The following ADAM18 variants were observed in gnomAD, a reference collection of about 807,000 sequenced individuals.
The protein encoded by ADAM18 is ADAM metallopeptidase domain 18, also known as disintegrin and metalloproteinase domain-containing protein 18.
In ADAM18, 117 loss-of-function variants were observed where a neutral mutation model predicts 94.4. The observed-to-expected ratio is 1.24, with a 90% CI of 1.07 to 1.45. The LOEUF (loss-of-function observed/expected upper bound fraction) is 1.45. Among genes scored for constraint, ADAM18 ranks in the 40% most tolerant of loss-of-function variants. The pLI is 0.00. For missense variants in ADAM18, 936 were observed against 880.0 expected (o/e 1.06, Z -0.81); for synonymous variants, 327 against 291.6 (o/e 1.12, Z -1.24).
At chr8:39,664,933 TTGAA>T (rs139890451) in intron 13 of ADAM18, among the ~76,000 whole-genome samples, 35,559 of 151,878 alleles carry the variant, frequency 0.23, 4,274 homozygotes, top group South Asian at 0.3. Context: ...ATTTTTTTTG[TTGAA>T]TTTAGCTATT....
chr8:39,597,058 T>C (rs531627145), intron 2 of ADAM18, among the ~76,000 whole-genome samples: 16 of 152,290 alleles, frequency 1.1e-4, no homozygotes, highest in African/African-American at 3.8e-4. Context: ...GACATATGTC[T>C]TATTTGCTTG....
intron 17 of ADAM18, among the ~76,000 whole-genome samples, chr8:39,702,519 T>C (rs1361013828): frequency 2.0e-5 from 3 of 152,148 alleles, no homozygotes; most frequent in Non-Finnish European, 2.9e-5. Context: ...TTGCTTTTGT[T>C]TCAATTGCTT....
intron 17 of ADAM18, among the ~76,000 whole-genome samples, chr8:39,701,148 A>AAAAAAAAAAAAAAAAAAAAAC (rs1822066100): frequency 6.8e-6 from 1 of 147,240 alleles, no homozygotes; most frequent in African/African-American, 2.5e-5. Flanking sequence ...AAAAAAAAAA[A>AAAAAAAAAAAAAAAAAAAAAC]ATTTATTGTA....
At chr8:39,690,405 G>A (rs1821740033) in intron 16 of ADAM18, among the ~76,000 whole-genome samples, 1 of 152,142 alleles carries the variant, frequency 6.6e-6, no homozygotes, top group African/African-American at 2.4e-5. Flanking sequence ...GGGCACTTCA[G>A]CAGGTGTAGT....
intron 7 of ADAM18, 44 bp downstream of exon 7, chr8:39,629,483 G>A (rs747723104): frequency 1.5e-6 from 2 of 1,321,226 alleles, no homozygotes; most frequent in South Asian, 2.8e-5. Flanking sequence ...AACTAAGTAT[G>A]CTTTCAAGAA....
intron 13 of ADAM18, among the ~76,000 whole-genome samples, chr8:39,666,452 T>G (rs1563298017): frequency 6.6e-6 from 1 of 152,246 alleles, no homozygotes. Context: ...TTCATCACTT[T>G]TAAGTTACCA....
intron 2 of ADAM18, among the ~76,000 whole-genome samples, chr8:39,593,772 C>G (rs1291544846): frequency 1.3e-5 from 2 of 152,108 alleles, no homozygotes; most frequent in African/African-American, 4.8e-5. Context: ...TTATATAATG[C>G]CTTTCTCATT....
rs112437855 is a variant in ADAM18, at chr8:39,681,457, A to G, written c.1821+1231A>G. 4.0e-4 allele frequency among the ~76,000 whole-genome samples: 61 copies of G among 152,326 alleles called. 1 individual carries two copies. The highest frequency in any genetic ancestry group is 1.4e-3 in the African/African-American group (59 of 41,572). ...GAGAACCCAGATAAGATGTGCTTGA[A>G]TTTCAGACTCACAGAAGTTGTGATA... On this transcript the variant is annotated intron_variant, in intron 16 of 19. Coordinates refer to ENST00000265707, the MANE Select transcript of ADAM18 (RefSeq NM_014237.3).
intron 2 of ADAM18, among the ~76,000 whole-genome samples, chr8:39,602,853 AT>A (rs1818948210): frequency 6.6e-6 from 1 of 152,192 alleles, no homozygotes; most frequent in South Asian, 2.1e-4. Flanking sequence ...TGCTTTTGCT[AT>A]CATATCTAAA....
At chr8:39,705,256 G>T (rs781746573) in intron 17 of ADAM18, among the ~76,000 whole-genome samples, 11 of 151,958 alleles carry the variant, frequency 7.2e-5, no homozygotes, top group Non-Finnish European at 1.3e-4. Context: ...TTTTCTCTTT[G>T]AAAGCCAATT....
chr8:39,692,616 C>A lies in ADAM18; in HGVS notation c.1838C>A (p.Thr613Asn). ...CGPEMYCVNK[T>N]CRKVHLMGYN... ...TTGTTTTAGTACTGTGTAAATAAAA[C>A]CTGCAGAAAAGTTCATTTAATGGGA... Residue 613 changes from threonine (T) to asparagine (N), a missense_variant, in exon 17 of 20, where the codon ACC becomes AAC. Thr to Asn is a moderately conservative substitution (Grantham distance 65). Transcript: ENST00000265707. 1 of 1,602,426 alleles carries A rather than the reference C, an allele frequency of 6.2e-7. No homozygotes were observed. Among genetic ancestry groups the A allele is most frequent in the Non-Finnish European group, 8.5e-7 (1 of 1,173,700 alleles).
chr8:39,684,724 T>C (rs1821563262), intron 16 of ADAM18, among the ~76,000 whole-genome samples: 1 of 152,222 alleles, frequency 6.6e-6, no homozygotes, highest in East Asian at 1.9e-4. Context: ...CCACTTCTTA[T>C]ATAGTTTCTT....
intron 10 of ADAM18, among the ~76,000 whole-genome samples, chr8:39,645,019 C>A (rs1198613571): frequency 2.0e-5 from 3 of 152,092 alleles, no homozygotes; most frequent in Non-Finnish European, 2.9e-5. Flanking sequence ...GAATTGATAT[C>A]TATTCATTGG....
chr8:39,658,649 TAA>T (rs1820750978), intron 12 of ADAM18, among the ~76,000 whole-genome samples: 1 of 152,210 alleles, frequency 6.6e-6, no homozygotes, highest in Non-Finnish European at 1.5e-5. Context: ...TTTAAACCGC[TAA>T]GTTTGTGGTA....
chr8:39,619,959 A>G (rs1232585330), intron 6 of ADAM18, among the ~76,000 whole-genome samples: 1 of 152,154 alleles, frequency 6.6e-6, no homozygotes, highest in African/African-American at 2.4e-5. Flanking sequence ...AGAGGAAAAT[A>G]TACTATAAAG....
intron 6 of ADAM18, among the ~76,000 whole-genome samples, chr8:39,613,212 T>G (rs147947914): frequency 3.8e-4 from 58 of 152,306 alleles, no homozygotes; most frequent in Non-Finnish European, 7.6e-4. Context: ...ACAGAGCACT[T>G]TTGACAGCAC....
intron 2 of ADAM18, among the ~76,000 whole-genome samples, chr8:39,595,444 A>G (rs1014996392): frequency 6.6e-6 from 1 of 152,182 alleles, no homozygotes; most frequent in African/African-American, 2.4e-5. Context: ...AAAGAAAACC[A>G]GTGAACTGTT....
chr8:39,596,833 A>G (rs1051048191), intron 2 of ADAM18, among the ~76,000 whole-genome samples: 11 of 152,330 alleles, frequency 7.2e-5, no homozygotes, highest in South Asian at 4.1e-4. Flanking sequence ...CTTTACTTCA[A>G]TTGGGGTTGT....
At chr8:39,670,064 A>C (rs1821111345) in intron 14 of ADAM18, among the ~76,000 whole-genome samples, 2 of 152,186 alleles carry the variant, frequency 1.3e-5, no homozygotes, top group Admixed American at 1.3e-4. Context: ...TCTGATGGCC[A>C]GTGATGATGA....
Sources: gnomAD v4.1 joint callset for allele counts (sites outside exome capture counted in the v4.1 genomes callset) on GRCh38, gnomAD v4.1.1 for gene constraint, MANE v1.5 for transcripts, NCBI Gene and HGNC (gene_info 2026-07-23, HGNC 2026-07-21) for gene names.